The following NFAT5 variants were observed in gnomAD, a reference collection of about 807,000 sequenced individuals.
The protein encoded by NFAT5 is nuclear factor of activated T-cells 5.
A neutral mutation model predicts 166.5 loss-of-function variants in NFAT5; 31 were observed. The observed-to-expected ratio is 0.19, with a 90% CI of 0.14 to 0.25. The LOEUF is 0.25. Ranked by LOEUF, NFAT5 falls within the 10% of genes least tolerant of loss-of-function variation. The pLI, the probability that NFAT5 is intolerant of heterozygous loss-of-function variation, is 1.00. For missense variants in NFAT5, 1,449 were observed against 1,821.8 expected, an observed-to-expected ratio of 0.80 and a Z score of 3.72; for synonymous variants, 612 against 639.7, an observed-to-expected ratio of 0.96 and a Z score of 0.65.
chr16:69,688,659 G>A (rs1225973137), intron 11 of NFAT5, among the ~76,000 whole-genome samples: 3 of 152,168 alleles, frequency 2.0e-5, no homozygotes, highest in South Asian at 2.1e-4. Flanking sequence ...GAGCCAATGC[G>A]CCTGGCCCAT....
intron 2 of NFAT5, among the ~76,000 whole-genome samples, chr16:69,613,100 A>G (rs1173071638): frequency 6.6e-6 from 1 of 152,126 alleles, no homozygotes; most frequent in Non-Finnish European, 1.5e-5. Flanking sequence ...CAATTTTCCC[A>G]AGCCAGAGTT....
In NFAT5 at chr16:69,702,414, T is replaced by G. The variant is rs915365237; in HGVS notation, c.*6063T>G. Reference sequence around the variant, plus strand: ...CGTCACATTTTAGAAACATTCAGCTTGCTAACCTACATGTTTGGGAATTCA... The same window carrying G: ...CGTCACATTTTAGAAACATTCAGCTGGCTAACCTACATGTTTGGGAATTCA... On this transcript the variant is annotated 3_prime_UTR_variant, in exon 15 of 15. Coordinates refer to ENST00000349945, the MANE Select transcript of NFAT5 (RefSeq NM_138713.4). The G allele has an allele frequency of 3.3e-5, 5 of 152,432 alleles. No individual in the cohort carries two copies. The highest frequency in any genetic ancestry group is 1.2e-4 in the African/African-American group (5 of 41,596). 9.4% of individuals were successfully genotyped at this position (152,432 alleles called of 1,614,324 possible).
chr16:69,662,325 A>G (rs2036179172), intron 7 of NFAT5, among the ~76,000 whole-genome samples: 1 of 152,168 alleles, frequency 6.6e-6, no homozygotes, highest in Admixed American at 6.5e-5. Context: ...TCATGTATAA[A>G]TATGCTCCCT....
At position 69,611,162 on chromosome 16, in the gene NFAT5, G is replaced by A. The variant is rs551693986; in HGVS notation, c.128-15241G>A. ...GTAATTCTGCTTGTTTCTTTTCATT[G>A]ATAGATTATTATGTATGTTTACAAG... On this transcript the variant is annotated intron_variant, in intron 2 of 14. Coordinates refer to ENST00000349945, the MANE Select transcript of NFAT5 (RefSeq NM_138713.4). 8.6e-5 allele frequency among the ~76,000 whole-genome samples: 13 copies of A among 152,034 alleles called. 1 individual carries two copies. The South Asian group carries it at 2.7e-3, about 32-fold the overall frequency.
At chr16:69,577,486 A>G (rs970175451) in intron 2 of NFAT5, among the ~76,000 whole-genome samples, 3 of 152,202 alleles carry the variant, frequency 2.0e-5, no homozygotes, top group Non-Finnish European at 2.9e-5. Flanking sequence ...ACCCAGTTTT[A>G]AAAATACTGT....
intron 10 of NFAT5, among the ~76,000 whole-genome samples, chr16:69,678,757 T>C (rs1567600723): frequency 1.3e-5 from 2 of 152,170 alleles, no homozygotes; most frequent in Non-Finnish European, 2.9e-5. Flanking sequence ...TCTCTATCTG[T>C]AGTTTATTAG....
Position 69,703,740 on chromosome 16 carries a change from C to A in NFAT5, c.*7389C>A. 1 of 152,678 alleles carries A rather than the reference C, an allele frequency of 6.5e-6. No homozygotes were observed. The allele number at this position is 152,678 out of a possible 1,614,324, so 9.5% of individuals were successfully genotyped here. ...TGGGAGCTGCTCTAGTTACATTCCT[C>A]CCTTCTTATTCCCTTTTTCTCTTCC... On this transcript the variant is annotated 3_prime_UTR_variant, in exon 15 of 15. Coordinates refer to ENST00000349945, the MANE Select transcript of NFAT5 (RefSeq NM_138713.4).
At position 69,647,644 on chromosome 16, in the gene NFAT5, A is replaced by C. The variant is rs1038749453; in HGVS notation, c.812+58A>C. 118 of 1,456,020 alleles carry C rather than the reference A, an allele frequency of 8.1e-5. 1 individual carries two copies. Among genetic ancestry groups the C allele is most frequent in the Middle Eastern group, 7.3e-4 (4 of 5,496 alleles). 90.2% of individuals were successfully genotyped at this position (1,456,020 alleles called of 1,614,324 possible). ...CATTATGCAAAACAAACAAACAAAA[A>C]AAATTCCCAATTTTTCCTAATTGCT... On this transcript the variant is annotated intron_variant, in intron 4 of 14. Coordinates refer to ENST00000349945, the MANE Select transcript of NFAT5 (RefSeq NM_138713.4). The surrounding 1 kb of genome is among the most constrained non-coding windows in gnomAD (Gnocchi z 4.8).
chr16:69,651,963 C>T (rs555659052), intron 4 of NFAT5, among the ~76,000 whole-genome samples: 1 of 152,218 alleles, frequency 6.6e-6, no homozygotes, highest in South Asian at 2.1e-4. Context: ...TGGGACACCA[C>T]ACCATTGCTC....
At chr16:69,674,800 T>C (rs1015278164) in intron 9 of NFAT5, among the ~76,000 whole-genome samples, 2 of 152,232 alleles carry the variant, frequency 1.3e-5, no homozygotes, top group Admixed American at 6.5e-5. Flanking sequence ...TCTAGCACCA[T>C]TGCTGGTACA....
chr16:69,626,745 C>T, intron 3 of NFAT5, among the ~76,000 whole-genome samples: 1 of 152,062 alleles, frequency 6.6e-6, no homozygotes, highest in East Asian at 1.9e-4. Context: ...TCTATAAATG[C>T]CATTTCCTAA....
chr16:69,655,767 C>T lies in NFAT5; in HGVS notation c.1164C>T (p.Val388=), dbSNP rs776939678. Residue 388 remains valine (V), a synonymous_variant, in exon 6 of 15, where the codon GTC becomes GTT. Coordinates refer to ENST00000349945, the MANE Select transcript of NFAT5 (RefSeq NM_138713.4). The part of the protein sequence containing the change: ...VDIEGTTVIE[V]GLDPSNNMTL... ...TTGAAGGCACTACTGTTATAGAAGT[C>T]GGCCTTGATCCTAGCAACAACATGA... 2.4e-5 allele frequency: 38 copies of T among 1,612,988 alleles called. 1 individual carries two copies. The highest frequency in any genetic ancestry group is 2.1e-4 in the South Asian group (19 of 90,932).
chr16:69,625,665 A>T (rs1278028338), intron 2 of NFAT5, among the ~76,000 whole-genome samples: 1 of 152,066 alleles, frequency 6.6e-6, no homozygotes, highest in Non-Finnish European at 1.5e-5. Flanking sequence ...AAAGAGCAGG[A>T]CTATACTAAT....
intron 2 of NFAT5, among the ~76,000 whole-genome samples, chr16:69,598,693 T>C (rs1356112273): frequency 6.6e-6 from 1 of 152,108 alleles, no homozygotes; most frequent in East Asian, 1.9e-4. Context: ...GTTCATATTC[T>C]GGTGGTTGGA....
At chr16:69,572,698 CAA>C (rs1398112094) in intron 2 of NFAT5, among the ~76,000 whole-genome samples, 6 of 151,446 alleles carry the variant, frequency 4.0e-5, no homozygotes, top group African/African-American at 1.5e-4. Context: ...AGAGTATAAA[CAA>C]ATTGGAAAAA....
At chr16:69,595,252 G>T (rs1175577988) in intron 2 of NFAT5, among the ~76,000 whole-genome samples, 1 of 152,184 alleles carries the variant, frequency 6.6e-6, no homozygotes, top group African/African-American at 2.4e-5. Flanking sequence ...ATAGCTTACT[G>T]TTCTGTATTC....
At chr16:69,590,484 A>C (rs901259480) in intron 2 of NFAT5, among the ~76,000 whole-genome samples, 3 of 152,220 alleles carry the variant, frequency 2.0e-5, no homozygotes, top group African/African-American at 7.2e-5. Context: ...TTAAAATAAG[A>C]CTCAGTTGAA....
chr16:69,592,581 T>G (rs991332452), intron 2 of NFAT5, among the ~76,000 whole-genome samples: 3 of 152,168 alleles, frequency 2.0e-5, no homozygotes, highest in Non-Finnish European at 2.9e-5. Context: ...GGATTAAGAT[T>G]AAAGTGAAGC....
intron 2 of NFAT5, among the ~76,000 whole-genome samples, chr16:69,584,367 T>A (rs950287168): frequency 1.3e-4 from 19 of 150,594 alleles, no homozygotes; most frequent in African/African-American, 4.6e-4. Flanking sequence ...TGGACTGCAA[T>A]GCAGTGAGTA....
Sources: gnomAD v4.1 joint callset for allele counts (sites outside exome capture counted in the v4.1 genomes callset) on GRCh38, gnomAD v4.1.1 for gene constraint, Gnocchi (gnomAD v3.1) non-coding constraint, MANE v1.5 for transcripts, NCBI Gene and HGNC (gene_info 2026-07-23, HGNC 2026-07-21) for gene names.